The following MORC1 variants were observed in gnomAD, a reference collection of about 807,000 sequenced individuals.
MORC1 encodes MORC family CW-type zinc finger 1, also known as MORC family CW-type zinc finger protein 1.
Under a neutral mutation model 134.9 loss-of-function variants are expected in MORC1, and 59 were observed. That is an observed-to-expected ratio of 0.44 (90% CI 0.35 to 0.54). The LOEUF (loss-of-function observed/expected upper bound fraction) is 0.54, where lower values mean the gene tolerates loss of function less well. Ranked by LOEUF, MORC1 falls within the 20% of genes least tolerant of loss-of-function variation. The pLI is 0.00. For missense variants in MORC1, 947 were observed against 1,134.5 expected, an observed-to-expected ratio of 0.83 and a Z score of 2.37; for synonymous variants, 395 against 391.7, an observed-to-expected ratio of 1.01 and a Z score of -0.10.
Position 108,979,634 on chromosome 3 carries a change from T to TA in MORC1, c.2357dup (p.Ser787LysfsTer15). The TA allele has an allele frequency of 6.2e-7, 1 of 1,614,118 alleles. No homozygotes were observed. Among genetic ancestry groups the TA allele is most frequent in the Non-Finnish European group, 8.5e-7 (1 of 1,179,994 alleles). ...AAACTCTGGCTATGTGTCCAGAACT[T>TA]AGATTCACATCTTCCATCGGCACAT... On this transcript the variant is annotated frameshift_variant, in exon 24 of 28. Transcript: ENST00000232603. LOFTEE classifies it high-confidence loss of function.
At chr3:109,075,953 C>T (rs1180631396) in intron 8 of MORC1, among the ~76,000 whole-genome samples, 1 of 151,988 alleles carries the variant, frequency 6.6e-6, no homozygotes, top group Non-Finnish European at 1.5e-5. Context: ...ACACCAAAAG[C>T]AATGGCGACA....
chr3:109,088,724 A>C (rs1272584894), intron 8 of MORC1, among the ~76,000 whole-genome samples: 1 of 152,178 alleles, frequency 6.6e-6, no homozygotes, highest in African/African-American at 2.4e-5. Context: ...TATACCCAGA[A>C]TAATATAAAG....
At chr3:109,099,291 C>T in intron 6 of MORC1, 67 bp downstream of exon 6, 1 of 1,128,778 alleles carries the variant, frequency 8.9e-7, no homozygotes, top group Non-Finnish European at 1.3e-6. Context: ...CAAGACTTCA[C>T]CTCCTGAGAG....
At chr3:109,048,190 G>C (rs1038944765) in intron 14 of MORC1, among the ~76,000 whole-genome samples, 2 of 152,112 alleles carry the variant, frequency 1.3e-5, no homozygotes, top group African/African-American at 4.8e-5. Context: ...AGTGGAAGAG[G>C]GAGAGAGTGT....
chr3:109,110,997 A>G (rs1951153758), intron 2 of MORC1, among the ~76,000 whole-genome samples: 1 of 151,230 alleles, frequency 6.6e-6, no homozygotes, highest in African/African-American at 2.4e-5. Flanking sequence ...ATGTGAAAGA[A>G]GAGATGGAAT....
At chr3:109,090,833 T>C (rs1950706218) in intron 8 of MORC1, among the ~76,000 whole-genome samples, 1 of 152,092 alleles carries the variant, frequency 6.6e-6, no homozygotes, top group South Asian at 2.1e-4. Context: ...ATTTGAAAAT[T>C]GTTTTGGACA....
intron 17 of MORC1, 90 bp from the exon 18 acceptor site, chr3:109,007,181 A>AC: frequency 1.0e-6 from 1 of 995,572 alleles, no homozygotes; most frequent in Non-Finnish European, 1.5e-6. Flanking sequence ...TCCATTTCTT[A>AC]AAGAAGGGTC....
chr3:109,075,747 T>A (rs1158763830), intron 8 of MORC1, among the ~76,000 whole-genome samples: 1 of 152,186 alleles, frequency 6.6e-6, no homozygotes, highest in East Asian at 1.9e-4. Context: ...CCTCCATTGT[T>A]CTTTTTGCCT....
At chr3:109,077,923 G>T (rs1257558318) in intron 8 of MORC1, among the ~76,000 whole-genome samples, 1 of 151,888 alleles carries the variant, frequency 6.6e-6, no homozygotes. Context: ...TACACAGTAG[G>T]AAAATGTTAA....
rs146523982 is a variant in MORC1 at position 109,107,437 on chromosome 3, A to G, written c.154+3312T>C. Among the ~76,000 whole-genome samples the G allele has an allele frequency of 1.8e-3, 277 of 152,262 alleles. 2 individuals carry two copies. Among genetic ancestry groups the G allele is most frequent in the African/African-American group, 5.9e-3 (245 of 41,546 alleles). On this transcript the variant is annotated intron_variant, in intron 3 of 27. Transcript: ENST00000232603. The stretch of plus-strand genomic sequence containing the variant: ...TCATGGGCTCCACACTAAAATGCCA[A>G]TTTCTTAAGAGTGTAAACGCAGCAC...
At position 109,118,122 on chromosome 3, in the gene MORC1, T is replaced by TGCGCCC. The variant is rs1365478089; in HGVS notation, c.-69_-64dup. ...GACACCTGACCGGCAGCCGTTCGCC[T>TGCGCCC]GCGCCCGCGCCCACTCCCACGCCCA... is the stretch of plus-strand genomic sequence containing the variant. On this transcript the variant is annotated 5_prime_UTR_variant, in exon 1 of 28. Transcript: ENST00000232603. The TGCGCCC allele has an allele frequency of 1.2e-5, 19 of 1,552,860 alleles. No homozygotes were observed. The highest frequency in any genetic ancestry group is 5.4e-5 in the African/African-American group (4 of 73,504).
Position 109,026,216 on chromosome 3 carries a change from T to C in MORC1, c.1704+1535A>G, listed in dbSNP as rs115491794. Among the ~76,000 whole-genome samples the C allele has an allele frequency of 5.1e-3, 778 of 152,300 alleles. 18 individuals carry two copies. Among genetic ancestry groups the C allele is most frequent in the African/African-American group, 0.018 (747 of 41,570 alleles). The stretch of plus-strand genomic sequence containing the variant: ...ACAAAAAGATTTTGTAAAATCTTCC[T>C]TTTGCAAAAGGAAAAAGGAGGATGG... On this transcript the variant is annotated intron_variant, in intron 17 of 27. Coordinates refer to ENST00000232603, the MANE Select transcript of MORC1 (RefSeq NM_014429.4).
intron 27 of MORC1, among the ~76,000 whole-genome samples, chr3:108,960,816 A>C (rs4855681): frequency 0.36 from 54,878 of 151,348 alleles, 10,662 homozygotes; most frequent in Non-Finnish European, 0.43. Flanking sequence ...AAAAATCTTT[A>C]AAAAAAAATC....
intron 8 of MORC1, among the ~76,000 whole-genome samples, chr3:109,090,328 G>A (rs893261117): frequency 1.3e-5 from 2 of 152,000 alleles, no homozygotes; most frequent in Non-Finnish European, 2.9e-5. Context: ...GTTTAAAACT[G>A]TTGTCAAAGC....
Position 108,986,942 on chromosome 3 carries a change from T to C in MORC1, c.2195A>G (p.Asp732Gly). Residue 732 changes from aspartate to glycine, a missense_variant, in exon 22 of 28, where the codon GAT becomes GGT. Physicochemically the swap from Asp to Gly is moderately conservative, Grantham distance 94 (BLOSUM62 -1). Transcript: ENST00000232603. ...CAATGAAACATCAGTGTTGCTTTTA[T>C]CTGAAACCTGAAAAACAAGCTCTTT... ...TSDSDIILVS[D>G]KSNTDVSLKQ... 6.4e-7 allele frequency: 1 copy of C among 1,567,616 alleles called. No individual in the cohort carries two copies. The highest frequency in any genetic ancestry group is 8.6e-7 in the Non-Finnish European group (1 of 1,162,196).
intron 17 of MORC1, among the ~76,000 whole-genome samples, chr3:109,022,456 T>C (rs1948981813): frequency 6.6e-6 from 1 of 152,250 alleles, no homozygotes; most frequent in African/African-American, 2.4e-5. Flanking sequence ...TACTATTTCA[T>C]TTCTGTCTGT....
In MORC1 at chr3:108,979,642, C is replaced by T; in HGVS notation, c.2350G>A (p.Val784Met). Residue 784 changes from valine to methionine, a missense_variant, in exon 24 of 28, where the codon GTG becomes ATG. Physicochemically the swap from Val to Met is conservative, Grantham distance 21. Coordinates refer to ENST00000232603, the MANE Select transcript of MORC1 (RefSeq NM_014429.4). The part of the protein sequence containing the change: ...KSLLNVPMED[V>M]NLSSGHIARV... Reference sequence around the variant, plus strand: ...GCTATGTGTCCAGAACTTAGATTCACATCTTCCATCGGCACATTGAGCAAG... The same window carrying T: ...GCTATGTGTCCAGAACTTAGATTCATATCTTCCATCGGCACATTGAGCAAG... The T allele has an allele frequency of 6.2e-7, 1 of 1,614,092 alleles. No homozygotes were observed. Among genetic ancestry groups the T allele is most frequent in the Non-Finnish European group, 8.5e-7 (1 of 1,179,984 alleles).
intron 13 of MORC1, among the ~76,000 whole-genome samples, chr3:109,055,522 T>A (rs1435974075): frequency 6.6e-6 from 1 of 152,218 alleles, no homozygotes; most frequent in African/African-American, 2.4e-5. Flanking sequence ...ACCACTTCAC[T>A]CTTCCACCTT....
intron 9 of MORC1, among the ~76,000 whole-genome samples, chr3:109,068,370 C>G (rs1487331392): frequency 5.3e-5 from 8 of 152,126 alleles, no homozygotes; most frequent in Non-Finnish European, 1.2e-4. Flanking sequence ...CCACTCTTCC[C>G]CCTCAAGTCC....
Sources: gnomAD v4.1 joint callset for allele counts (sites outside exome capture counted in the v4.1 genomes callset) on GRCh38, gnomAD v4.1.1 for gene constraint, MANE v1.5 for transcripts, NCBI Gene and HGNC (gene_info 2026-07-23, HGNC 2026-07-21) for gene names.